IQCM: variants seen among roughly 807,000 people sequenced by gnomAD.
IQCM encodes the protein IQ motif containing M.
In IQCM, 45 loss-of-function variants were observed where a neutral mutation model predicts 57.6. The observed-to-expected ratio is 0.78, with a 90% confidence interval of 0.62 to 1.00. The LOEUF (loss-of-function observed/expected upper bound fraction) is 1.00. IQCM is among the 50% of genes least tolerant of loss of function. The probability of loss-of-function intolerance (pLI) is 0.00; values close to 1 mark genes in which losing one functional copy is unlikely to be tolerated. For synonymous variants in IQCM, 148 were observed against 158.9 expected, an observed-to-expected ratio of 0.93 and a Z score of 0.51; for missense variants, 468 against 511.6, an observed-to-expected ratio of 0.91 and a Z score of 0.82.
chr4:149,579,350 G>T (rs1751953758), intron 9 of IQCM, among the ~76,000 whole-genome samples: 1 of 151,828 alleles, frequency 6.6e-6, no homozygotes, highest in African/African-American at 2.4e-5. Flanking sequence ...GAAAGCAGAA[G>T]GCCCCGATTT....
At chr4:149,687,265 C>T (rs1387984405) in intron 5 of IQCM, among the ~76,000 whole-genome samples, 1 of 151,452 alleles carries the variant, frequency 6.6e-6, no homozygotes, top group Non-Finnish European at 1.5e-5. Flanking sequence ...TCAAAATGTA[C>T]GTTCAGAGAA....
intron 2 of IQCM, among the ~76,000 whole-genome samples, chr4:149,812,545 G>A (rs939033050): frequency 1.3e-5 from 2 of 148,802 alleles, no homozygotes; most frequent in Non-Finnish European, 3.0e-5. Context: ...TTTGAGGATA[G>A]TAAAATCCAC....
intron 8 of IQCM, among the ~76,000 whole-genome samples, chr4:149,604,247 T>C (rs1754579892): frequency 6.6e-6 from 1 of 152,150 alleles, no homozygotes; most frequent in South Asian, 2.1e-4. Context: ...TTCTAAAATT[T>C]TAAATTTTCA....
chr4:149,650,092 T>C (rs1759019831), intron 7 of IQCM, among the ~76,000 whole-genome samples: 1 of 152,094 alleles, frequency 6.6e-6, no homozygotes, highest in African/African-American at 2.4e-5. Context: ...AAAAGATATG[T>C]TGACGTTCTA....
intron 13 of IQCM, among the ~76,000 whole-genome samples, chr4:149,418,807 A>T (rs1480475139): frequency 6.6e-6 from 1 of 152,198 alleles, no homozygotes; most frequent in Admixed American, 6.5e-5. Flanking sequence ...TCAGGATACA[A>T]GATGAATGTG....
chr4:149,356,939 T>A (rs1038085268), intron 13 of IQCM, among the ~76,000 whole-genome samples: 24 of 152,154 alleles, frequency 1.6e-4, no homozygotes, highest in Admixed American at 2.6e-4. Flanking sequence ...GGTTTATAGT[T>A]CTCCTTGAAG....
chr4:149,584,888 T>C (rs1288310098), intron 9 of IQCM, among the ~76,000 whole-genome samples: 1 of 151,760 alleles, frequency 6.6e-6, no homozygotes, highest in Non-Finnish European at 1.5e-5. Context: ...GGAGTGGGTG[T>C]TCACATTAGC....
chr4:149,538,833 A>G (rs943203802), intron 12 of IQCM, among the ~76,000 whole-genome samples: 1 of 151,994 alleles, frequency 6.6e-6, no homozygotes, highest in Non-Finnish European at 1.5e-5. Context: ...CATAAAAATT[A>G]AAAACCTTTG....
chr4:149,477,784 G>T (rs2149743150), intron 12 of IQCM, among the ~76,000 whole-genome samples: 1 of 152,198 alleles, frequency 6.6e-6, no homozygotes, highest in African/African-American at 2.4e-5. Flanking sequence ...GGGAATAACT[G>T]GATATCAGAG....
intron 12 of IQCM, among the ~76,000 whole-genome samples, chr4:149,467,665 G>C (rs1239440890): frequency 6.6e-6 from 1 of 152,330 alleles, no homozygotes; most frequent in Admixed American, 6.5e-5. Context: ...TGCTATACCA[G>C]TAGGCTGGAT....
intron 7 of IQCM, among the ~76,000 whole-genome samples, chr4:149,629,394 G>A (rs1397913498): frequency 1.3e-5 from 2 of 151,928 alleles, no homozygotes; most frequent in East Asian, 3.9e-4. Flanking sequence ...AACATGTACC[G>A]AGAGACCCAA....
Position 149,607,154 on chromosome 4 carries a change from T to C in IQCM, c.681+13975A>G, listed in dbSNP as rs115572275. On this transcript the variant is annotated intron_variant, in intron 8 of 13. Coordinates refer to ENST00000636793, the MANE Select transcript of IQCM (RefSeq NM_001363507.2). Reference sequence around the variant, plus strand: ...CAGGTCAAGGATAAAGAAATGACCCTAAATCAGTAAAAGAAAAAAAAAGCA... The same window carrying C: ...CAGGTCAAGGATAAAGAAATGACCCCAAATCAGTAAAAGAAAAAAAAAGCA... Among the ~76,000 whole-genome samples the C allele has an allele frequency of 8.1e-3, 1,238 of 151,916 alleles. 15 individuals carry two copies. The highest frequency in any genetic ancestry group is 0.028 in the African/African-American group (1,167 of 41,412).
chr4:149,578,631 A>G (rs1041478126), intron 9 of IQCM, among the ~76,000 whole-genome samples: 6 of 151,846 alleles, frequency 4.0e-5, no homozygotes, highest in African/African-American at 1.4e-4. Flanking sequence ...CTGCTCAAAA[A>G]AGGGTGAAAG....
chr4:149,765,085 G>GA (rs2149973597), intron 2 of IQCM, among the ~76,000 whole-genome samples: 1 of 151,928 alleles, frequency 6.6e-6, no homozygotes, highest in South Asian at 2.1e-4. Context: ...TTTAAACATA[G>GA]AAAAATTACC....
intron 12 of IQCM, among the ~76,000 whole-genome samples, chr4:149,459,620 C>A (rs1001293112): frequency 6.6e-6 from 1 of 152,134 alleles, no homozygotes; most frequent in Admixed American, 6.5e-5. Context: ...CTCTCCTCCC[C>A]CAGCCCCTGG....
chr4:149,753,069 C>A (rs974839709), intron 2 of IQCM, among the ~76,000 whole-genome samples: 2 of 152,140 alleles, frequency 1.3e-5, no homozygotes, highest in East Asian at 3.9e-4. Flanking sequence ...AAGTGGTGAG[C>A]ATTAGAAGTA....
chr4:149,601,721 A>G (rs1252013559), intron 8 of IQCM, among the ~76,000 whole-genome samples: 2 of 152,274 alleles, frequency 1.3e-5, no homozygotes, highest in African/African-American at 2.4e-5. Flanking sequence ...TCAACCCTTC[A>G]TCTGGTTCTG....
intron 13 of IQCM, among the ~76,000 whole-genome samples, chr4:149,409,082 A>G (rs922753711): frequency 2.0e-5 from 3 of 152,208 alleles, no homozygotes; most frequent in Admixed American, 6.5e-5. Flanking sequence ...GCCCCATGTC[A>G]TTCTGGAAAA....
At chr4:149,529,175 C>T (rs978379563) in intron 12 of IQCM, among the ~76,000 whole-genome samples, 15 of 152,014 alleles carry the variant, frequency 9.9e-5, no homozygotes, top group African/African-American at 2.9e-4. Context: ...GCAATTCTCC[C>T]GCTTCGGCCT....
Sources: gnomAD v4.1 joint callset for allele counts (sites outside exome capture counted in the v4.1 genomes callset) on GRCh38, gnomAD v4.1.1 for gene constraint, MANE v1.5 for transcripts, NCBI Gene and HGNC (gene_info 2026-07-23, HGNC 2026-07-21) for gene names.